PAM: variants seen among roughly 807,000 people sequenced by gnomAD.
The protein encoded by PAM is peptidyl-glycine alpha-amidating monooxygenase.
In PAM, 72 loss-of-function variants were observed where a neutral mutation model predicts 122.1. That is an observed-to-expected ratio of 0.59 (90% CI 0.49 to 0.72). The LOEUF (loss-of-function observed/expected upper bound fraction) is 0.72. Among genes scored for constraint, PAM ranks in the 30% least tolerant of loss-of-function variants. The probability of loss-of-function intolerance (pLI) is 0.00; values close to 1 mark genes in which losing one functional copy is unlikely to be tolerated. For synonymous variants in PAM, 389 were observed against 404.4 expected (o/e 0.96, Z 0.46); for missense variants, 1,106 against 1,183.7 (o/e 0.93, Z 0.96).
intron 1 of PAM, among the ~76,000 whole-genome samples, chr5:102,854,499 A>T (rs1253771852): frequency 6.6e-6 from 1 of 152,116 alleles, no homozygotes; most frequent in East Asian, 1.9e-4. Context: ...AGAGAAAGCT[A>T]ATAAGATCAA....
intron 1 of PAM, among the ~76,000 whole-genome samples, chr5:102,779,657 G>A (rs143471579): frequency 0.028 from 4,201 of 151,728 alleles, 110 homozygotes; most frequent in East Asian, 0.14. Context: ...CTAATCAGCG[G>A]CCAGTGAATA....
At chr5:102,921,396 C>T (rs1747412035) in intron 5 of PAM, among the ~76,000 whole-genome samples, 1 of 151,990 alleles carries the variant, frequency 6.6e-6, no homozygotes. Context: ...AAATATGATG[C>T]CATTTTCATT....
At chr5:102,949,065 C>G (rs938582496) in intron 9 of PAM, among the ~76,000 whole-genome samples, 1 of 151,928 alleles carries the variant, frequency 6.6e-6, no homozygotes, top group African/African-American at 2.4e-5. Flanking sequence ...ATTTTTTCAT[C>G]TATTATAAAA....
intron 3 of PAM, chr5:102,873,910 C>T (rs928249204): frequency 6.6e-6 from 1 of 151,908 alleles, no homozygotes; most frequent in East Asian, 1.9e-4. Context: ...TGGTGATCTT[C>T]CTATTGAAGG....
intron 1 of PAM, among the ~76,000 whole-genome samples, chr5:102,772,926 A>G (rs1756203679): frequency 6.6e-6 from 1 of 152,134 alleles, no homozygotes; most frequent in African/African-American, 2.4e-5. Flanking sequence ...TATCAAAACA[A>G]TGTATTTTGA....
In PAM at chr5:103,013,013, C is replaced by G. The variant is rs531152116; in HGVS notation, c.2331+3147C>G. Among the ~76,000 whole-genome samples, 136 of 152,176 alleles carry G rather than the reference C, an allele frequency of 8.9e-4. 1 individual carries two copies. The South Asian group carries it at 0.011, about 12-fold the overall frequency. On this transcript the variant is annotated intron_variant, in intron 21 of 25. Transcript: ENST00000438793. ...AATTTGAAGTCAGGTAATATGACTC[C>G]TCCAGTTTTGTTCTTTTTGCTCAGG...
At chr5:103,008,794 A>T (rs1029067325) in intron 20 of PAM, among the ~76,000 whole-genome samples, 6 of 152,174 alleles carry the variant, frequency 3.9e-5, no homozygotes, top group Admixed American at 3.3e-4. Flanking sequence ...ATTTGTCAGG[A>T]CCCTTTACTT....
chr5:102,777,391 C>T (rs1757451176), intron 1 of PAM, among the ~76,000 whole-genome samples: 1 of 152,056 alleles, frequency 6.6e-6, no homozygotes, highest in Admixed American at 6.6e-5. Flanking sequence ...ACTCCCCCAG[C>T]CCTATTATCT....
chr5:103,012,126 T>G (rs1281156360), intron 21 of PAM, among the ~76,000 whole-genome samples: 1 of 152,216 alleles, frequency 6.6e-6, no homozygotes, highest in Non-Finnish European at 1.5e-5. Context: ...TTTTTTACTA[T>G]AGAGTTGTTT....
Position 102,867,302 on chromosome 5 carries a change from A to G in PAM, c.119A>G (p.Asn40Ser). ...AAAGAAACTACCAGACCATTTTCCA[A>G]TGAATGTCTTGGTACCACCAGACCC... ...RFKETTRPFS[N>S]ECLGTTRPVV... Residue 40 changes from asparagine (N) to serine (S), a missense_variant, in exon 3 of 26, where the codon AAT (asparagine) becomes AGT (serine). Physicochemically the swap from Asn to Ser is conservative, Grantham distance 46. Coordinates refer to ENST00000438793, the MANE Select transcript of PAM (RefSeq NM_001177306.2). 6.2e-7 allele frequency: 1 copy of G among 1,603,642 alleles called. No individual in the cohort carries two copies. The highest frequency in any genetic ancestry group is 1.3e-5 in the African/African-American group (1 of 74,752).
chr5:102,980,212 T>G (rs1769284751), intron 15 of PAM, among the ~76,000 whole-genome samples: 1 of 152,132 alleles, frequency 6.6e-6, no homozygotes, highest in Non-Finnish European at 1.5e-5. Flanking sequence ...CCCAAGGTCA[T>G]GGGTAAGAAA....
intron 1 of PAM, among the ~76,000 whole-genome samples, chr5:102,839,397 C>T (rs984795602): frequency 1.3e-5 from 2 of 151,896 alleles, no homozygotes; most frequent in East Asian, 3.9e-4. Flanking sequence ...GTTGGCCAGG[C>T]GTGGTGGTAT....
At position 102,866,307 on chromosome 5, in the gene PAM, C is replaced by T. The variant is rs148056006; in HGVS notation, c.89+23C>T. The T allele has an allele frequency of 1.1e-3, 1,664 of 1,456,800 alleles. 11 individuals are homozygous for T. The African/African-American group carries it at 0.021, about 18-fold the overall frequency. The allele number at this position is 1,456,800 out of a possible 1,614,324, so 90.2% of individuals were successfully genotyped here. A position where few individuals can be genotyped will look rare whatever the true frequency, so the allele number is the denominator to read the frequency against. ...GAGGTGGGTGTTCGTTGTTCGGGTG[C>T]TTTCTGTGCATGCTGTTGAGAAATG... On this transcript the variant is annotated intron_variant, in intron 2 of 25. Coordinates refer to ENST00000438793, the MANE Select transcript of PAM (RefSeq NM_001177306.2).
At chr5:103,007,744 A>C (rs1779466209) in intron 20 of PAM, 87 bp downstream of exon 20, 1 of 815,684 alleles carries the variant, frequency 1.2e-6, no homozygotes, top group Non-Finnish European at 2.0e-6. Flanking sequence ...TCTTTTTATA[A>C]ATTTTCTTTG....
intron 16 of PAM, among the ~76,000 whole-genome samples, chr5:102,991,023 T>C (rs1438962929): frequency 1.3e-5 from 2 of 152,212 alleles, no homozygotes; most frequent in Non-Finnish European, 2.9e-5. Flanking sequence ...CTCTGGATTT[T>C]CCTTTTCTAC....
At chr5:103,002,461 C>G (rs190408654) in intron 16 of PAM, among the ~76,000 whole-genome samples, 2 of 152,050 alleles carry the variant, frequency 1.3e-5, no homozygotes, top group East Asian at 3.9e-4. Flanking sequence ...ATTTTTGTCT[C>G]GAGGATAGAT....
chr5:103,028,932 G>C lies in PAM; in HGVS notation c.2789G>C (p.Arg930Pro). Residue 930 changes from arginine to proline, a missense_variant, in exon 26 of 26, where the codon CGT becomes CCT. Transcript: ENST00000438793. Reference sequence around the variant, plus strand: ...AACCTTGGTAATTTCTTTGCAAGCCGTAAGGGCTACAGTCGAAAAGGGTTT... The same window carrying C: ...AACCTTGGTAATTTCTTTGCAAGCCCTAAGGGCTACAGTCGAAAAGGGTTT... ...GLNLGNFFAS[R>P]KGYSRKGFDR... 6.2e-7 allele frequency: 1 copy of C among 1,612,712 alleles called. No homozygotes were observed. Among genetic ancestry groups the C allele is most frequent in the Non-Finnish European group, 8.5e-7 (1 of 1,179,376 alleles).
intron 21 of PAM, among the ~76,000 whole-genome samples, chr5:103,010,694 A>G (rs996372631): frequency 3.3e-5 from 5 of 152,208 alleles, no homozygotes; most frequent in Non-Finnish European, 7.4e-5. Context: ...GACACTTATA[A>G]TGTTATGTTA....
At chr5:102,936,493 ATTTCACTAAACAAATATTTTTG>A (rs1280410900) in intron 7 of PAM, among the ~76,000 whole-genome samples, 1 of 152,082 alleles carries the variant, frequency 6.6e-6, no homozygotes, top group African/African-American at 2.4e-5. Flanking sequence ...ACAAAATATT[ATTTCACTAAACAAATATTTTTG>A]TTTCACTAAA....
Sources: gnomAD v4.1 joint callset for allele counts (sites outside exome capture counted in the v4.1 genomes callset) on GRCh38, gnomAD v4.1.1 for gene constraint, MANE v1.5 for transcripts, NCBI Gene and HGNC (gene_info 2026-07-23, HGNC 2026-07-21) for gene names.